TLCD4: variants seen among roughly 807,000 people sequenced by gnomAD.
TLCD4 encodes TLC domain containing 4, also known as TLC domain-containing protein 4.
A neutral mutation model predicts 24.2 loss-of-function variants in TLCD4; 7 were observed. That is an observed-to-expected ratio of 0.29 (90% CI 0.16 to 0.54). The LOEUF is 0.54. Among genes scored for constraint, TLCD4 ranks in the 20% least tolerant of loss-of-function variants. The probability of loss-of-function intolerance (pLI) is 0.95; values close to 1 mark genes in which losing one functional copy is unlikely to be tolerated. For missense variants in TLCD4, 259 were observed against 313.9 expected (o/e 0.82, Z 1.32); for synonymous variants, 103 against 106.4 (o/e 0.97, Z 0.20).
chr1:95,103,276 G>A, the TLCD4 span, among the ~76,000 whole-genome samples: 2 of 152,276 alleles, frequency 1.3e-5, no homozygotes, highest in South Asian at 4.2e-4. Context: ...ACTGAACCTG[G>A]CCAGAAGAAC....
intron 1 of TLCD4, among the ~76,000 whole-genome samples, chr1:95,122,984 T>A (rs1029214): frequency 0.33 from 50,589 of 151,470 alleles, 8,602 homozygotes; most frequent in Non-Finnish European, 0.37. Context: ...TTTTTTTTTT[T>A]AAAAAGAGAA....
At position 95,127,099 on chromosome 1, in the gene TLCD4, C is replaced by T. The variant is rs138839139; in HGVS notation, c.-12+9482C>T. Among the ~76,000 whole-genome samples the T allele has an allele frequency of 4.8e-3, 724 of 152,324 alleles. 7 individuals are homozygous for T. The highest frequency in any genetic ancestry group is 0.016 in the African/African-American group (678 of 41,570). On this transcript the variant is annotated intron_variant, in intron 1 of 6. Transcript: ENST00000370203. ...ATTCTCATCCCCATTTTAAAGAACC[C>T]GCAGGTCACAGAGGTTGTGTTGTTC... is the stretch of plus-strand genomic sequence containing the variant.
At chr1:95,139,804 A>G (rs72722123) in intron 1 of TLCD4, among the ~76,000 whole-genome samples, 19,322 of 152,198 alleles carry the variant, frequency 0.13, 1,241 homozygotes, top group Middle Eastern at 0.17. Flanking sequence ...AACCCATTGT[A>G]TGGCTGTAGA....
At chr1:95,116,684 G>A (rs1263801769), upstream of TLCD4, among the ~76,000 whole-genome samples, 1 of 152,170 alleles carries the variant, frequency 6.6e-6, no homozygotes, top group Admixed American at 6.5e-5. Flanking sequence ...TCTATTTAAT[G>A]TCAAACTTTA....
chr1:95,169,833 C>G (rs1678146654), intron 5 of TLCD4, among the ~76,000 whole-genome samples: 1 of 152,136 alleles, frequency 6.6e-6, no homozygotes, highest in African/African-American at 2.4e-5. Flanking sequence ...CAGGTGTGCA[C>G]CATTGCGCCC....
intron 1 of TLCD4, among the ~76,000 whole-genome samples, chr1:95,128,529 G>A (rs1345743222): frequency 3.3e-5 from 5 of 152,196 alleles, no homozygotes; most frequent in African/African-American, 1.2e-4. Context: ...CTAGTTAGGT[G>A]TTGTGGATAC....
At chr1:95,135,307 A>G (rs554887201) in intron 1 of TLCD4, among the ~76,000 whole-genome samples, 1 of 152,232 alleles carries the variant, frequency 6.6e-6, no homozygotes, top group East Asian at 1.9e-4. Context: ...GGACACTTCT[A>G]AAGGGCTAGA....
At chr1:95,113,342 G>A (rs1049440249), upstream of TLCD4, among the ~76,000 whole-genome samples, 2 of 152,132 alleles carry the variant, frequency 1.3e-5, no homozygotes, top group Non-Finnish European at 2.9e-5. Flanking sequence ...CACCACACCT[G>A]GCCCCTAATT....
chr1:95,121,496 G>T (rs1219805788), intron 1 of TLCD4, among the ~76,000 whole-genome samples: 1 of 152,142 alleles, frequency 6.6e-6, no homozygotes, highest in African/African-American at 2.4e-5. Context: ...TTTGAGACAG[G>T]GTCTCGCTTT....
chr1:95,183,522 G>C (rs1429329348), intron 6 of TLCD4, among the ~76,000 whole-genome samples: 1 of 152,150 alleles, frequency 6.6e-6, no homozygotes, highest in African/African-American at 2.4e-5. Context: ...GATATATTTA[G>C]AAGATTAGAG....
upstream of TLCD4, among the ~76,000 whole-genome samples, chr1:95,115,227 C>G (rs1676407921): frequency 6.6e-6 from 1 of 151,842 alleles, no homozygotes; most frequent in African/African-American, 2.4e-5. Flanking sequence ...CTACCTCAGC[C>G]TCTCGAGTAG....
the TLCD4 span, among the ~76,000 whole-genome samples, chr1:95,109,052 G>A: frequency 3.9e-5 from 6 of 152,130 alleles, no homozygotes; most frequent in Non-Finnish European, 8.8e-5. Flanking sequence ...TTAGGGGCAC[G>A]TGCAGTGGCT....
chr1:95,153,220 G>A (rs563361294), intron 5 of TLCD4, among the ~76,000 whole-genome samples: 123 of 152,090 alleles, frequency 8.1e-4, no homozygotes, highest in African/African-American at 2.8e-3. Flanking sequence ...GAGATGGATG[G>A]TGGTGATGGT....
upstream of TLCD4, among the ~76,000 whole-genome samples, chr1:95,115,181 C>T (rs1007937002): frequency 1.3e-5 from 2 of 151,152 alleles, no homozygotes; most frequent in African/African-American, 4.9e-5. Context: ...GAGCTCGGCT[C>T]ACACAACCTC....
intron 5 of TLCD4, among the ~76,000 whole-genome samples, chr1:95,158,199 T>C (rs1348703668): frequency 1.7e-4 from 26 of 150,564 alleles, no homozygotes; most frequent in African/African-American, 6.3e-4. Flanking sequence ...TTTTTTTTTT[T>C]TTTTTTGAGA....
chr1:95,191,182 C>T (rs530778053), intron 6 of TLCD4, among the ~76,000 whole-genome samples: 14 of 152,092 alleles, frequency 9.2e-5, no homozygotes, highest in African/African-American at 2.4e-4. Flanking sequence ...TCATTTTTCT[C>T]GATGTTGATA....
In TLCD4 at chr1:95,178,362, C is replaced by T. The variant is rs150003903; in HGVS notation, c.473+4473C>T. Among the ~76,000 whole-genome samples, 402 of 152,202 alleles carry T rather than the reference C, an allele frequency of 2.6e-3. 1 individual carries two copies. Among genetic ancestry groups the T allele is most frequent in the African/African-American group, 9.2e-3 (382 of 41,530 alleles). ...GCAACCCCAACCTCCCAGGTTCAAA[C>T]GGTTCTCCTGCCTCAGCCTCCTGAG... On this transcript the variant is annotated intron_variant, in intron 6 of 6. Coordinates refer to ENST00000370203, the MANE Select transcript of TLCD4 (RefSeq NM_152487.3).
chr1:95,183,452 A>C (rs920668357), intron 6 of TLCD4, among the ~76,000 whole-genome samples: 13 of 152,164 alleles, frequency 8.5e-5, no homozygotes, highest in Non-Finnish European at 4.4e-5. Context: ...ATTTAGTGAG[A>C]GCTCGAGAGA....
chr1:95,139,079 G>A (rs189673542), intron 1 of TLCD4, among the ~76,000 whole-genome samples: 2 of 150,712 alleles, frequency 1.3e-5, no homozygotes, highest in East Asian at 3.9e-4. Context: ...GGAGGCTGAG[G>A]CGGGAGGATC....
Sources: gnomAD v4.1 joint callset for allele counts (sites outside exome capture counted in the v4.1 genomes callset) on GRCh38, gnomAD v4.1.1 for gene constraint, MANE v1.5 for transcripts, NCBI Gene and HGNC (gene_info 2026-07-23, HGNC 2026-07-21) for gene names.